The following TPR variants were observed in gnomAD, a reference collection of about 807,000 sequenced individuals.
TPR encodes nucleoprotein TPR.
Under a neutral mutation model 316.1 loss-of-function variants are expected in TPR, and 51 were observed. That is an observed-to-expected ratio of 0.16 (90% CI 0.13 to 0.20). The LOEUF (loss-of-function observed/expected upper bound fraction) is 0.20, where lower values mean the gene tolerates loss of function less well. Ranked by LOEUF, TPR falls within the 10% of genes least tolerant of loss-of-function variation. The pLI is 1.00. For synonymous variants in TPR, 981 were observed against 914.7 expected, an observed-to-expected ratio of 1.07 and a Z score of -1.31; for missense variants, 2,272 against 2,754.8, an observed-to-expected ratio of 0.82 and a Z score of 3.92.
intron 45 of TPR, among the ~76,000 whole-genome samples, chr1:186,320,643 GTAAT>G (rs1657750817): frequency 6.6e-6 from 1 of 152,180 alleles, no homozygotes; most frequent in African/African-American, 2.4e-5. Flanking sequence ...TGATTTATAT[GTAAT>G]TAATTTTCAG....
chr1:186,364,536 G>T (rs1659280915), intron 4 of TPR, among the ~76,000 whole-genome samples: 1 of 152,174 alleles, frequency 6.6e-6, no homozygotes, highest in African/African-American at 2.4e-5. Context: ...CATACCTATA[G>T]ACTCTAATAT....
At chr1:186,332,399 A>C (rs569628965) in intron 37 of TPR, 56 bp from the exon 38 acceptor site, 4 of 1,584,066 alleles carry the variant, frequency 2.5e-6, no homozygotes, top group Admixed American at 3.5e-5. Context: ...ATTTAGATAA[A>C]GATAGTTTAC....
intron 29 of TPR, 151 bp from the exon 30 acceptor site, chr1:186,339,923 A>T: frequency 1.7e-6 from 1 of 579,734 alleles, no homozygotes; most frequent in Non-Finnish European, 2.7e-6. Flanking sequence ...AGATCAAACT[A>T]AGCTTTGGCT....
rs1349426811 is a variant in TPR, at chr1:186,347,550, C to T, written c.2777-92G>A. ...AGCTTATGAAATTAGCATTAAGGTT[C>T]AAATACAGATATATTTAGAAAGTAT... On this transcript the variant is annotated intron_variant, in intron 21 of 50. Coordinates refer to ENST00000367478, the MANE Select transcript of TPR (RefSeq NM_003292.3). The T allele has an allele frequency of 1.8e-5, 23 of 1,288,752 alleles. 1 individual carries two copies. The highest frequency in any genetic ancestry group is 2.3e-5 in the Non-Finnish European group (22 of 950,636). 79.8% of individuals were successfully genotyped at this position (1,288,752 alleles called of 1,614,324 possible).
chr1:186,364,980 C>T (rs905737553), intron 4 of TPR, among the ~76,000 whole-genome samples: 4 of 152,094 alleles, frequency 2.6e-5, no homozygotes, highest in African/African-American at 9.7e-5. Context: ...TAAACACCAG[C>T]TGCCTGTCTT....
chr1:186,367,703 T>C (rs1360111163), intron 4 of TPR, among the ~76,000 whole-genome samples, 183 bp downstream of exon 4: 1 of 152,234 alleles, frequency 6.6e-6, no homozygotes, highest in Non-Finnish European at 1.5e-5. Flanking sequence ...TTCTAGACAC[T>C]TCTTTAAACA....
chr1:186,343,852 T>C, intron 26 of TPR, 54 bp downstream of exon 26: 2 of 1,420,438 alleles, frequency 1.4e-6, no homozygotes, highest in Non-Finnish European at 1.9e-6. Flanking sequence ...ATATTTGTAG[T>C]TTCATTTCAT....
intron 45 of TPR, among the ~76,000 whole-genome samples, chr1:186,322,072 CCATGTTCTTAAA>C (rs1403814286): frequency 6.6e-6 from 1 of 152,170 alleles, no homozygotes; most frequent in African/African-American, 2.4e-5. Flanking sequence ...ACTCTAGAGG[CCATGTTCTTAAA>C]CATTCTTATA....
Position 186,351,970 on chromosome 1 carries a change from G to C in TPR, c.2469+6C>G. On this transcript the variant is annotated splice_donor_region_variant and intron_variant, in intron 19 of 50. Coordinates refer to ENST00000367478, the MANE Select transcript of TPR (RefSeq NM_003292.3). ...TTTTTTCTACATAGGCTTTTTATTT[G>C]GTTACCTGAATTGTTTGCAGATTAG... The C allele has an allele frequency of 6.3e-7, 1 of 1,582,806 alleles. No individual in the cohort carries two copies. The highest frequency in any genetic ancestry group is 8.5e-7 in the Non-Finnish European group (1 of 1,170,786).
intron 49 of TPR, among the ~76,000 whole-genome samples, 178 bp from the exon 50 acceptor site, chr1:186,314,902 A>C (rs1353478141): frequency 6.6e-6 from 1 of 152,138 alleles, no homozygotes. Context: ...TAAATGGTTA[A>C]ACAACAAAAA....
intron 29 of TPR, 142 bp from the exon 30 acceptor site, chr1:186,339,914 G>A: frequency 6.6e-6 from 4 of 610,558 alleles, no homozygotes; most frequent in Non-Finnish European, 9.9e-6. Context: ...AAGATACTAA[G>A]ATCAAACTAA....
Position 186,344,550 on chromosome 1 carries a change from T to C in TPR, c.3242A>G (p.Lys1081Arg), listed in dbSNP as rs1658617746. 1 of 1,585,090 alleles carries C rather than the reference T, an allele frequency of 6.3e-7. No homozygotes were observed. The highest frequency in any genetic ancestry group is 1.4e-5 in the African/African-American group (1 of 74,016). Residue 1081 changes from lysine to arginine, a missense_variant, in exon 25 of 51, where the codon AAG (lysine) becomes AGG (arginine). Lys to Arg is a conservative substitution (Grantham distance 26). This residue lies in a region of TPR where 757 missense variants were observed against 859.8 expected (regional missense o/e 0.88). Coordinates refer to ENST00000367478, the MANE Select transcript of TPR (RefSeq NM_003292.3). Reference sequence around the variant, plus strand: ...ATGCAGCATCAATTCTCTCTCATACTTATTCTGAGCTTCCACAGCTATTTT... The same window carrying C: ...ATGCAGCATCAATTCTCTCTCATACCTATTCTGAGCTTCCACAGCTATTTT... ...QAKIAVEAQN[K>R]YERELMLHAA...
chr1:186,321,249 T>C (rs546890582), intron 45 of TPR, among the ~76,000 whole-genome samples: 76 of 152,318 alleles, frequency 5.0e-4, no homozygotes, highest in Non-Finnish European at 2.5e-4. Flanking sequence ...AGTTTAAAAC[T>C]GGTTCTAACC....
intron 33 of TPR, 92 bp from the exon 34 acceptor site, chr1:186,335,635 T>C: frequency 1.0e-6 from 1 of 966,852 alleles, no homozygotes; most frequent in East Asian, 2.6e-5. Flanking sequence ...CACATCAGAT[T>C]CTACTACTAT....
chr1:186,335,265 A>G, intron 34 of TPR, 73 bp downstream of exon 34: 8 of 1,577,538 alleles, frequency 5.1e-6, no homozygotes, highest in African/African-American at 4.1e-5. Context: ...AAAGGCTCCT[A>G]TATCACCAAG....
chr1:186,361,488 G>A (rs966054855), intron 9 of TPR, 134 bp downstream of exon 9: 3 of 752,214 alleles, frequency 4.0e-6, no homozygotes, highest in South Asian at 2.3e-5. Flanking sequence ...CTAATCCAAA[G>A]TTCTTTCTTC....
At chr1:186,349,929 T>C (rs1246778876) in intron 21 of TPR, among the ~76,000 whole-genome samples, 2 of 152,156 alleles carry the variant, frequency 1.3e-5, no homozygotes, top group Admixed American at 1.3e-4. Context: ...AATAACCCTC[T>C]TCAGAAAGAA....
In TPR at chr1:186,313,144, C is replaced by T; in HGVS notation, c.*827G>A. On this transcript the variant is annotated 3_prime_UTR_variant, in exon 51 of 51. Coordinates refer to ENST00000367478, the MANE Select transcript of TPR (RefSeq NM_003292.3). ...TCCAGTTACTAGAGTAAACTTGCTA[C>T]TGACAATAGTATTTTACTTCTATCA... 2.0e-6 allele frequency: 1 copy of T among 508,488 alleles called. No homozygotes were observed. Among genetic ancestry groups the T allele is most frequent in the Non-Finnish European group, 3.6e-6 (1 of 280,436 alleles). 31.5% of individuals were successfully genotyped at this position (508,488 alleles called of 1,614,324 possible). A position where few individuals can be genotyped will look rare whatever the true frequency, so the allele number is the denominator to read the frequency against.
chr1:186,323,677 T>TTTTA lies in TPR; in HGVS notation c.6297+5_6297+8dup. 6.8e-7 allele frequency: 1 copy of TTTTA among 1,474,084 alleles called. No homozygotes were observed. The highest frequency in any genetic ancestry group is 1.5e-5 in the South Asian group (1 of 68,258). The allele number at this position is 1,474,084 out of a possible 1,614,324, so 91.3% of individuals were successfully genotyped here. On this transcript the variant is annotated intron_variant, in intron 43 of 50. Transcript: ENST00000367478. ...GTTCATTTTTCATAATGACCAGTAC[T>TTTTA]TTTAATACCTGAACTGGTGGTCCCA...
Sources: allele counts gnomAD v4.1 joint callset (sites outside exome capture counted in the v4.1 genomes callset), GRCh38; gene constraint gnomAD v4.1.1; regional missense constraint gnomAD v4.1.1; transcripts MANE v1.5; gene names NCBI Gene and HGNC (gene_info 2026-07-23, HGNC 2026-07-21).